The following PTPRM variants were observed in gnomAD, a reference collection of about 807,000 sequenced individuals.
The protein encoded by PTPRM is protein tyrosine phosphatase receptor type M.
PTPRM carries 47 observed loss-of-function variants against 186.7 expected under a neutral mutation model. The ratio of observed to expected loss-of-function variants is 0.25; its 90% CI spans 0.20 to 0.32. The LOEUF (loss-of-function observed/expected upper bound fraction) is 0.32. PTPRM is among the 10% of genes least tolerant of loss of function. The pLI, the probability that PTPRM is intolerant of heterozygous loss-of-function variation, is 1.00. For synonymous variants in PTPRM, 668 were observed against 674.9 expected (o/e 0.99, Z 0.16); for missense variants, 1,494 against 1,865.0 (o/e 0.80, Z 3.66).
chr18:8,146,354 C>T (rs2092885602), intron 14 of PTPRM, among the ~76,000 whole-genome samples: 1 of 152,076 alleles, frequency 6.6e-6, no homozygotes, highest in Non-Finnish European at 1.5e-5. Context: ...TTCTAACTGG[C>T]ATAATATGGT....
intron 5 of PTPRM, among the ~76,000 whole-genome samples, chr18:7,928,226 C>T (rs77806034): frequency 0.014 from 2,135 of 152,164 alleles, 62 homozygotes; most frequent in African/African-American, 0.049. Flanking sequence ...CCCTACTGTC[C>T]CTTTTAGAGA....
At chr18:7,892,916 AC>A (rs2049154302) in intron 3 of PTPRM, among the ~76,000 whole-genome samples, 1 of 152,012 alleles carries the variant, frequency 6.6e-6, no homozygotes, top group Admixed American at 6.6e-5. Flanking sequence ...TCCCCTCGTC[AC>A]CCCATCGCCT....
intron 1 of PTPRM, among the ~76,000 whole-genome samples, chr18:7,585,013 A>G (rs903814853): frequency 2.0e-5 from 3 of 152,214 alleles, no homozygotes; most frequent in Admixed American, 6.5e-5. Context: ...CGTGGAAATT[A>G]GGGAGGGAGA....
intron 14 of PTPRM, among the ~76,000 whole-genome samples, chr18:8,168,965 A>T (rs2093360209): frequency 6.6e-6 from 1 of 152,208 alleles, no homozygotes; most frequent in African/African-American, 2.4e-5. Flanking sequence ...AATATTATGC[A>T]TGTAAGTTCT....
intron 8 of PTPRM, among the ~76,000 whole-genome samples, chr18:8,071,885 A>C (rs1239487463): frequency 1.3e-5 from 2 of 152,140 alleles, no homozygotes; most frequent in East Asian, 3.8e-4. Flanking sequence ...CTGACCCTCA[A>C]TTTCCTGATC....
At chr18:8,166,215 G>A (rs1426326033) in intron 14 of PTPRM, among the ~76,000 whole-genome samples, 2 of 152,144 alleles carry the variant, frequency 1.3e-5, no homozygotes, top group African/African-American at 2.4e-5. Flanking sequence ...TCTGAGAAGT[G>A]GCTTGGCGGA....
intron 2 of PTPRM, among the ~76,000 whole-genome samples, chr18:7,811,209 A>T (rs1568163730): frequency 1.3e-5 from 2 of 152,208 alleles, no homozygotes; most frequent in African/African-American, 4.8e-5. Flanking sequence ...ACAAGCCTGG[A>T]ACTGGTTTCC....
At chr18:7,803,172 A>C (rs1352873746) in intron 2 of PTPRM, among the ~76,000 whole-genome samples, 1 of 152,346 alleles carries the variant, frequency 6.6e-6, no homozygotes, top group East Asian at 1.9e-4. Context: ...GCTTATATTA[A>C]GAAAAAACTT....
intron 7 of PTPRM, among the ~76,000 whole-genome samples, chr18:8,055,965 G>A (rs2148310698): frequency 6.6e-6 from 1 of 152,180 alleles, no homozygotes; most frequent in African/African-American, 2.4e-5. Context: ...TAAGGGACAT[G>A]GTGTAAGGTG....
intron 1 of PTPRM, among the ~76,000 whole-genome samples, chr18:7,613,806 T>G (rs1478962749): frequency 6.6e-6 from 1 of 152,252 alleles, no homozygotes; most frequent in African/African-American, 2.4e-5. Flanking sequence ...GGTCAGCAGA[T>G]TACTTTTGTC....
intron 7 of PTPRM, among the ~76,000 whole-genome samples, chr18:8,037,458 T>C (rs2086404279): frequency 6.6e-6 from 1 of 152,194 alleles, no homozygotes; most frequent in Non-Finnish European, 1.5e-5. Context: ...CTCCTTCTGT[T>C]GCTGATTCAA....
At chr18:7,974,573 T>C (rs1446198084) in intron 7 of PTPRM, among the ~76,000 whole-genome samples, 1 of 152,174 alleles carries the variant, frequency 6.6e-6, no homozygotes, top group Non-Finnish European at 1.5e-5. Flanking sequence ...GGGAAATCCA[T>C]AGGTAAGGCA....
At chr18:7,986,253 A>G (rs1389073329) in intron 7 of PTPRM, among the ~76,000 whole-genome samples, 3 of 152,226 alleles carry the variant, frequency 2.0e-5, no homozygotes, top group African/African-American at 7.2e-5. Context: ...CGCATACAAG[A>G]AATTAAAGCC....
chr18:7,943,418 A>G (rs1489829963), intron 5 of PTPRM, among the ~76,000 whole-genome samples: 2 of 152,152 alleles, frequency 1.3e-5, no homozygotes, highest in African/African-American at 4.8e-5. Context: ...CGGTGACCCA[A>G]CATGACCTTA....
chr18:8,043,326 AT>A (rs1345878206), intron 7 of PTPRM, among the ~76,000 whole-genome samples: 1 of 152,090 alleles, frequency 6.6e-6, no homozygotes, highest in Non-Finnish European at 1.5e-5. Flanking sequence ...CACTGGTAGA[AT>A]TTCTTAATGT....
At chr18:7,968,354 G>A (rs2054292849) in intron 7 of PTPRM, among the ~76,000 whole-genome samples, 1 of 147,910 alleles carries the variant, frequency 6.8e-6, no homozygotes, top group Admixed American at 6.7e-5. Context: ...GCGAAATCAT[G>A]CCAAAATGTA....
intron 2 of PTPRM, among the ~76,000 whole-genome samples, chr18:7,796,484 C>T (rs2043655049): frequency 6.6e-6 from 1 of 152,222 alleles, no homozygotes; most frequent in Admixed American, 6.5e-5. Flanking sequence ...CCAATTCATT[C>T]TGGGAGAGCA....
At chr18:7,575,881 A>G (rs936979410) in intron 1 of PTPRM, among the ~76,000 whole-genome samples, 1 of 152,198 alleles carries the variant, frequency 6.6e-6, no homozygotes, top group Admixed American at 6.5e-5. Flanking sequence ...TCAGAAGACT[A>G]ATGAGTCATC....
chr18:7,999,326 C>T (rs1033187211), intron 7 of PTPRM, among the ~76,000 whole-genome samples: 2 of 152,040 alleles, frequency 1.3e-5, no homozygotes, highest in South Asian at 2.1e-4. Context: ...TTTTTCTCAT[C>T]GGTGTTATAA....
Sources: allele counts gnomAD v4.1 joint callset (sites outside exome capture counted in the v4.1 genomes callset), GRCh38; gene constraint gnomAD v4.1.1; transcripts MANE v1.5; gene names NCBI Gene and HGNC (gene_info 2026-07-23, HGNC 2026-07-21).